The following CDK18 variants were observed in gnomAD, a reference collection of about 807,000 sequenced individuals.
CDK18 encodes cyclin dependent kinase 18, also known as cyclin-dependent kinase 18.
A neutral mutation model predicts 62.0 loss-of-function variants in CDK18; 52 were observed. That is an observed-to-expected ratio of 0.84 (90% CI 0.67 to 1.06). CDK18 has a LOEUF of 1.06. Among genes scored for constraint, CDK18 ranks in the 50% least tolerant of loss-of-function variants. The probability of loss-of-function intolerance (pLI) is 0.00; values close to 1 mark genes in which losing one functional copy is unlikely to be tolerated. For synonymous variants in CDK18, 237 were observed against 247.0 expected (o/e 0.96, Z 0.38); for missense variants, 604 against 619.9 (o/e 0.97, Z 0.27).
Position 205,523,609 on chromosome 1 carries a change from G to T in CDK18, c.257G>T (p.Arg86Leu). The change falls in exon 3 of 16, where the codon CGC (arginine) becomes CTC (leucine). Residue 86 changes from arginine (R) to leucine (L), a missense_variant. Transcript: ENST00000429964. ...GVQFQRRQNQ[R>L]RFSMEDVSKR... is the part of the protein sequence containing the mutation. ...CAGTTCCAGCGGCGGCAGAACCAGCGCCGCTTCTCCATGGAGGTAAGGGCC... is the reference window on the plus strand; with the variant it reads ...CAGTTCCAGCGGCGGCAGAACCAGCTCCGCTTCTCCATGGAGGTAAGGGCC... The T allele has an allele frequency of 1.3e-6, 2 of 1,573,698 alleles. No individual in the cohort carries two copies. The highest frequency in any genetic ancestry group is 1.9e-5 in the Admixed American group (1 of 53,686).
intron 1 of CDK18, among the ~76,000 whole-genome samples, chr1:205,520,375 C>A (rs78495225): frequency 6.6e-6 from 1 of 152,176 alleles, no homozygotes; most frequent in Non-Finnish European, 1.5e-5. Context: ...TTTTACAATG[C>A]TCCCTGGTGA....
At chr1:205,529,593 G>A (rs1366670357) in intron 13 of CDK18, 30 bp downstream of exon 13, 1 of 1,613,496 alleles carries the variant, frequency 6.2e-7, no homozygotes, top group South Asian at 1.1e-5. Flanking sequence ...GGCCCAGGGA[G>A]AGGCAGCCAA....
At position 205,526,067 on chromosome 1, in the gene CDK18, C is replaced by T. The variant is rs754614155; in HGVS notation, c.459C>T (p.Gly153=). The T allele has an allele frequency of 2.0e-5, 32 of 1,610,440 alleles. No homozygotes were observed. In the South Asian group the frequency reaches 3.2e-4, roughly 16 times the overall value. The part of the protein sequence containing the change: ...TYVKLDKLGE[G]TYATVFKGRS... ...GCCGCTGTGGCCCTCCATCCCAGGG[C>T]ACCTATGCCACAGTCTTCAAAGGGC... is the stretch of plus-strand genomic sequence containing the variant. The change falls in exon 6 of 16, where the codon GGC becomes GGT. Residue 153 remains glycine, a splice_region_variant and synonymous_variant. Coordinates refer to ENST00000429964, the MANE Select transcript of CDK18 (RefSeq NM_212502.3).
intron 15 of CDK18, 72 bp from the exon 16 acceptor site, chr1:205,531,272 T>G: frequency 7.1e-7 from 1 of 1,406,856 alleles, no homozygotes; most frequent in South Asian, 1.2e-5. Flanking sequence ...GGACAGCGAC[T>G]GTCCCTGCTG....
chr1:205,519,274 T>G (rs1667993196), intron 1 of CDK18, among the ~76,000 whole-genome samples: 1 of 152,190 alleles, frequency 6.6e-6, no homozygotes, highest in Non-Finnish European at 1.5e-5. Flanking sequence ...CAGAGGCATC[T>G]TGTGTCTTGA....
Position 205,528,890 on chromosome 1 carries a change from C to A in CDK18, c.975-109C>A, listed in dbSNP as rs1159649077. 7.1e-6 allele frequency: 5 copies of A among 702,178 alleles called. No individual in the cohort carries two copies. In the Admixed American group the frequency reaches 1.3e-4, roughly 18 times the overall value. 43.5% of individuals were successfully genotyped at this position (702,178 alleles called of 1,614,324 possible). A position where few individuals can be genotyped will look rare whatever the true frequency, so the allele number is the denominator to read the frequency against. ...GGCCACCCCTCCGCCGCCAGAGCCACGATCCCTGCAGCCGCCTGTGGCAGG... is the reference window on the plus strand; with the variant it reads ...GGCCACCCCTCCGCCGCCAGAGCCAAGATCCCTGCAGCCGCCTGTGGCAGG... On this transcript the variant is annotated intron_variant, in intron 10 of 15. Coordinates refer to ENST00000429964, the MANE Select transcript of CDK18 (RefSeq NM_212502.3). This position sits in a 1 kb window ranked among gnomAD's most constrained non-coding sequence, Gnocchi z 4.2.
At chr1:205,529,638 G>A (rs759460991) in intron 13 of CDK18, 75 bp downstream of exon 13, 16 of 1,609,998 alleles carry the variant, frequency 9.9e-6, no homozygotes, top group Admixed American at 1.7e-5. Flanking sequence ...CCGGGCCTAC[G>A]CCCCAACTTC....
At chr1:205,515,027 C>T (rs1330931613) in intron 1 of CDK18, among the ~76,000 whole-genome samples, 1 of 152,132 alleles carries the variant, frequency 6.6e-6, no homozygotes, top group African/African-American at 2.4e-5. Flanking sequence ...GTGGAGTTTG[C>T]TCTGGGAATG....
rs1668674830 is a variant in CDK18 at position 205,530,333 on chromosome 1, G to T, written c.1296G>T (p.Val432=). The T allele has an allele frequency of 6.2e-7, 1 of 1,612,826 alleles. No individual in the cohort carries two copies. The change falls in exon 14 of 16, where the codon GTG becomes GTT. Residue 432 remains valine, a synonymous_variant. Coordinates refer to ENST00000429964, the MANE Select transcript of CDK18 (RefSeq NM_212502.3). ...HSYFRSLGER[V]HQLEDTASIF... Reference sequence around the variant, plus strand: ...ACTTCCGGTCTCTGGGAGAGCGTGTGCACCAGCTTGAAGACAGTGAGTACT... The same window carrying T: ...ACTTCCGGTCTCTGGGAGAGCGTGTTCACCAGCTTGAAGACAGTGAGTACT...
rs1269865007 is a variant in CDK18 at position 205,528,286 on chromosome 1, C to T, written c.974+118C>T. On this transcript the variant is annotated intron_variant, in intron 10 of 15. Coordinates refer to ENST00000429964, the MANE Select transcript of CDK18 (RefSeq NM_212502.3). The surrounding 1 kb of genome is among the most constrained non-coding windows in gnomAD (Gnocchi z 4.2). Reference sequence around the variant, plus strand: ...CTGCCTAACTTCCTTTGCCTAAAAGCCTTGTGACATCCTGCTGAAATGGAT... The same window carrying T: ...CTGCCTAACTTCCTTTGCCTAAAAGTCTTGTGACATCCTGCTGAAATGGAT... 5.8e-6 allele frequency: 7 copies of T among 1,217,288 alleles called. No individual in the cohort carries two copies. The Admixed American group carries it at 1.7e-4, about 29-fold the overall frequency. 75.4% of individuals were successfully genotyped at this position (1,217,288 alleles called of 1,614,324 possible).
At chr1:205,523,414 G>GA (rs1343217073) in intron 2 of CDK18, 69 bp from the exon 3 acceptor site, 1 of 1,599,836 alleles carries the variant, frequency 6.3e-7, no homozygotes, top group Non-Finnish European at 8.5e-7. Flanking sequence ...AGCGCTGGGG[G>GA]AGGGGGGCTA....
In CDK18 at chr1:205,531,313, C is replaced by A. The variant is rs958056513; in HGVS notation, c.1391-31C>A. 6 of 1,612,910 alleles carry A rather than the reference C, an allele frequency of 3.7e-6. No homozygotes were observed. The African/African-American group carries it at 8.0e-5, about 22-fold the overall frequency. ...GGGTACCCGTCAGCCCAGCCTCCTC[C>A]CTGCAGCCCCACCTCTTCTCCATTC... On this transcript the variant is annotated intron_variant, in intron 15 of 15. Coordinates refer to ENST00000429964, the MANE Select transcript of CDK18 (RefSeq NM_212502.3).
intron 13 of CDK18, 106 bp from the exon 14 acceptor site, chr1:205,530,153 C>T (rs1164121890): frequency 2.4e-5 from 37 of 1,552,442 alleles, no homozygotes; most frequent in Non-Finnish European, 3.2e-5. Context: ...TCCTGTTAGC[C>T]TCAAGCCTCA....
At chr1:205,511,739 C>T (rs1245209389) in intron 1 of CDK18, among the ~76,000 whole-genome samples, 1 of 152,128 alleles carries the variant, frequency 6.6e-6, no homozygotes, top group Non-Finnish European at 1.5e-5. Context: ...ACAAACTGTA[C>T]ACATCTGTCC....
chr1:205,512,667 C>T (rs1204044799), intron 1 of CDK18, among the ~76,000 whole-genome samples: 2 of 152,166 alleles, frequency 1.3e-5, no homozygotes, highest in African/African-American at 2.4e-5. Context: ...CAGTGGAGTT[C>T]TTGGCGGTGA....
chr1:205,521,410 C>T (rs542778345), intron 1 of CDK18, among the ~76,000 whole-genome samples: 23 of 152,324 alleles, frequency 1.5e-4, no homozygotes, highest in Admixed American at 5.2e-4. Flanking sequence ...GACAGGGTTT[C>T]GCCATGTTGG....
chr1:205,523,839 T>C (rs941553092), intron 3 of CDK18: 1 of 667,434 alleles, frequency 1.5e-6, no homozygotes, highest in Admixed American at 3.2e-5. Context: ...GGTTTATCTA[T>C]GCCAAGTGCT....
intron 1 of CDK18, among the ~76,000 whole-genome samples, chr1:205,515,198 A>G (rs536075849): frequency 3.3e-5 from 3 of 91,114 alleles, no homozygotes; most frequent in Non-Finnish European, 6.5e-5. Context: ...TTTTTTTGAG[A>G]TGGAGTCTCG....
In CDK18 at chr1:205,524,297, ACAGAT is replaced by A. The variant is rs1668303018; in HGVS notation, c.340_344del (p.Gln114GlyfsTer92). 2.5e-6 allele frequency: 4 copies of A among 1,614,016 alleles called. No homozygotes were observed. The highest frequency in any genetic ancestry group is 3.4e-6 in the Non-Finnish European group (4 of 1,180,024). On this transcript the variant is annotated frameshift_variant, in exon 4 of 16. Transcript: ENST00000429964. LOFTEE classifies it high-confidence loss of function. ...TGCCCCAGGAATTCCTACAGAAGCTACAGATGGAGAGCCCAGATCTGCCCAAGCCG... is the reference window on the plus strand; with the variant it reads ...TGCCCCAGGAATTCCTACAGAAGCTAGGAGAGCCCAGATCTGCCCAAGCCG...
Sources: gnomAD v4.1 joint callset for allele counts (sites outside exome capture counted in the v4.1 genomes callset) on GRCh38, gnomAD v4.1.1 for gene constraint, Gnocchi (gnomAD v3.1) non-coding constraint, MANE v1.5 for transcripts, NCBI Gene and HGNC (gene_info 2026-07-23, HGNC 2026-07-21) for gene names.